Variants in DHX9 observed in about 807,000 individuals in gnomAD.
DHX9 encodes DExH-box helicase 9, also known as ATP-dependent RNA helicase A.
A neutral mutation model predicts 148.7 loss-of-function variants in DHX9; 27 were observed. The ratio of observed to expected loss-of-function variants is 0.18; its 90% CI spans 0.13 to 0.25. The LOEUF is 0.25. Ranked by LOEUF, DHX9 falls within the 10% of genes least tolerant of loss-of-function variation. DHX9 has a pLI of 1.00. For synonymous variants in DHX9, 529 were observed against 516.6 expected (o/e 1.02, Z -0.33); for missense variants, 796 against 1,559.6 (o/e 0.51, Z 8.25).
At chr1:182,855,786 ACAC>A (rs774851952) in intron 6 of DHX9, 851 of 949,090 alleles carry the variant, frequency 9.0e-4, no homozygotes, top group Middle Eastern at 1.6e-3. Context: ...CCTTTTATTC[ACAC>A]CACCAAGTCT....
intron 3 of DHX9, among the ~76,000 whole-genome samples, chr1:182,850,113 A>G (rs1432902810): frequency 6.6e-6 from 1 of 150,764 alleles, no homozygotes; most frequent in African/African-American, 2.5e-5. Context: ...ACTGCTCCTT[A>G]ATTTTTTTTA....
chr1:182,865,626 A>G lies in DHX9; in HGVS notation c.1333-818A>G, dbSNP rs118190049. 3.8e-3 allele frequency among the ~76,000 whole-genome samples: 585 copies of G among 152,354 alleles called. 2 individuals are homozygous for G. Among genetic ancestry groups the G allele is most frequent in the East Asian group, 9.1e-3 (47 of 5,188 alleles). ...ATCTTTTATCTTTATGGGCAGGATA[A>G]ATATGAGCCAGGTGATAGTATACAC... is the stretch of plus-strand genomic sequence containing the variant. On this transcript the variant is annotated intron_variant, in intron 12 of 27. Coordinates refer to ENST00000367549, the MANE Select transcript of DHX9 (RefSeq NM_001357.5).
chr1:182,875,297 TAGAA>T (rs1648710150), intron 16 of DHX9: 2 of 433,250 alleles, frequency 4.6e-6, no homozygotes, highest in South Asian at 3.3e-5. Flanking sequence ...GGGAAACTGG[TAGAA>T]AGACAGAATG....
chr1:182,879,951 C>T (rs1048486892), intron 21 of DHX9, among the ~76,000 whole-genome samples: 6 of 152,160 alleles, frequency 3.9e-5, no homozygotes, highest in East Asian at 3.9e-4. Context: ...CTGAAACTCC[C>T]GACCTCAAGT....
chr1:182,875,137 C>G, intron 16 of DHX9, 183 bp downstream of exon 16: 1 of 635,180 alleles, frequency 1.6e-6, no homozygotes, highest in Non-Finnish European at 2.9e-6. Context: ...CAGTGACAAG[C>G]TGTTTTCTAT....
intron 21 of DHX9, 49 bp downstream of exon 21, chr1:182,879,459 T>C (rs1648983018): frequency 3.7e-6 from 5 of 1,367,016 alleles, no homozygotes; most frequent in Non-Finnish European, 4.8e-6. Context: ...TCATACCATC[T>C]GTCTTGTTCT....
chr1:182,880,643 G>A lies in DHX9; in HGVS notation c.2624+35G>A, dbSNP rs746904993. ...TTGTTTTATTTCTCTTCGTTAAGTG[G>A]CAGAATAATTTCAGAATCTTCTCCT... On this transcript the variant is annotated intron_variant, in intron 22 of 27. Transcript: ENST00000367549. 12 of 1,381,006 alleles carry A rather than the reference G, an allele frequency of 8.7e-6. 1 individual carries two copies. In the African/African-American group the frequency reaches 1.4e-4, roughly 16 times the overall value. The allele number at this position is 1,381,006 out of a possible 1,614,324, so 85.5% of individuals were successfully genotyped here. A position where few individuals can be genotyped will look rare whatever the true frequency, so the allele number is the denominator to read the frequency against.
chr1:182,843,337 C>T lies in DHX9; in HGVS notation c.155C>T (p.Thr52Ile). Residue 52 changes from threonine to isoleucine, a missense_variant, in exon 3 of 28, where the codon ACC becomes ATC. This residue lies in a region of DHX9 where 23 missense variants were observed against 89.5 expected (regional missense o/e 0.26). Transcript: ENST00000367549. ...GYNYTGMGNS[T>I]NKKDAQSNAA... ...AATTACACTGGCATGGGAAATTCCA[C>T]CAATAAAAAAGATGCACAAAGCAAT... is the stretch of plus-strand genomic sequence containing the variant. 1 of 1,607,936 alleles carries T rather than the reference C, an allele frequency of 6.2e-7. No individual in the cohort carries two copies. The highest frequency in any genetic ancestry group is 8.5e-7 in the Non-Finnish European group (1 of 1,177,714).
chr1:182,876,608 T>C, intron 18 of DHX9, 67 bp downstream of exon 18: 1 of 1,430,390 alleles, frequency 7.0e-7, no homozygotes, highest in Non-Finnish European at 9.8e-7. Context: ...GTTACAGGCT[T>C]TCAAAGAGCT....
At chr1:182,868,959 T>C (rs1243004331) in intron 14 of DHX9, among the ~76,000 whole-genome samples, 2 of 152,210 alleles carry the variant, frequency 1.3e-5, no homozygotes, top group Non-Finnish European at 2.9e-5. Context: ...TCTTGGAAAC[T>C]TTATAGGTTT....
intron 3 of DHX9, among the ~76,000 whole-genome samples, chr1:182,845,988 T>G (rs1571296280): frequency 6.6e-6 from 1 of 152,116 alleles, no homozygotes; most frequent in East Asian, 1.9e-4. Flanking sequence ...TCAGTATTGA[T>G]TAAATCGTTG....
chr1:182,879,844 G>T (rs942443786), intron 21 of DHX9, among the ~76,000 whole-genome samples: 2 of 151,796 alleles, frequency 1.3e-5, no homozygotes, highest in Admixed American at 1.3e-4. Context: ...TTCTGCCTCA[G>T]CCTCCCGAGT....
intron 6 of DHX9, chr1:182,855,569 C>A: frequency 1.0e-6 from 1 of 985,418 alleles, no homozygotes; most frequent in Non-Finnish European, 1.2e-6. Context: ...TGTCGCTGTT[C>A]CCCCTAGGTG....
intron 1 of DHX9, among the ~76,000 whole-genome samples, chr1:182,841,536 C>T (rs561827553): frequency 5.3e-5 from 8 of 152,268 alleles, no homozygotes; most frequent in African/African-American, 1.9e-4. Context: ...ACATTCCCTT[C>T]GCCAAATGGA....
intron 3 of DHX9, among the ~76,000 whole-genome samples, chr1:182,849,850 T>C (rs1668100136): frequency 6.6e-6 from 1 of 152,210 alleles, no homozygotes; most frequent in South Asian, 2.1e-4. Context: ...TTTGTTAATA[T>C]ATTAGCAATA....
chr1:182,843,016 T>G (rs958945586), intron 2 of DHX9, among the ~76,000 whole-genome samples: 8 of 152,176 alleles, frequency 5.3e-5, no homozygotes, highest in African/African-American at 1.9e-4. Flanking sequence ...TAAATACAAA[T>G]GGAGAGCTTG....
Position 182,887,328 on chromosome 1 carries a change from G to A in DHX9, c.3707G>A (p.Gly1236Glu). ...FRGNSGGDYR[G>E]PSGGYRGSGG... ...GGCAACTCTGGAGGAGACTACAGAG[G>A]GCCTAGTGGAGGCTACAGAGGATCT... The change falls in exon 28 of 28, where the codon GGG becomes GAG. Residue 1236 changes from glycine (G) to glutamate (E), a missense_variant. By Grantham distance (98) the Gly-to-Glu change is moderately conservative. Coordinates refer to ENST00000367549, the MANE Select transcript of DHX9 (RefSeq NM_001357.5). The A allele has an allele frequency of 6.2e-7, 1 of 1,614,108 alleles. No individual in the cohort carries two copies. Among genetic ancestry groups the A allele is most frequent in the Non-Finnish European group, 8.5e-7 (1 of 1,179,998 alleles).
At chr1:182,846,129 G>A (rs1002221304) in intron 3 of DHX9, among the ~76,000 whole-genome samples, 1 of 152,068 alleles carries the variant, frequency 6.6e-6, no homozygotes, top group Non-Finnish European at 1.5e-5. Context: ...GCTACCTAGG[G>A]CCTGCCAGCC....
chr1:182,860,623 A>G (rs1668344059), intron 12 of DHX9, among the ~76,000 whole-genome samples: 1 of 152,248 alleles, frequency 6.6e-6, no homozygotes. Flanking sequence ...CTAAGATGTA[A>G]GTACTATTTC....
Sources: gnomAD v4.1 joint callset for allele counts (sites outside exome capture counted in the v4.1 genomes callset) on GRCh38, gnomAD v4.1.1 for gene constraint, gnomAD v4.1.1 regional missense constraint, MANE v1.5 for transcripts, NCBI Gene and HGNC (gene_info 2026-07-23, HGNC 2026-07-21) for gene names.